TPST1: variants seen among roughly 807,000 people sequenced by gnomAD.
The protein encoded by TPST1 is protein-tyrosine sulfotransferase 1.
TPST1 carries 20 observed loss-of-function variants against 34.8 expected under a neutral mutation model. The ratio of observed to expected loss-of-function variants is 0.57; its 90% CI spans 0.40 to 0.84. The LOEUF (loss-of-function observed/expected upper bound fraction) is 0.84, where lower values mean the gene tolerates loss of function less well. Among genes scored for constraint, TPST1 ranks in the 40% least tolerant of loss-of-function variants. The pLI is 0.00. For missense variants in TPST1, 353 were observed against 455.5 expected (o/e 0.78, Z 2.05); for synonymous variants, 152 against 159.4 (o/e 0.95, Z 0.35).
At chr7:66,214,394 GTATT>G (rs1178741005) in intron 1 of TPST1, among the ~76,000 whole-genome samples, 1 of 150,534 alleles carries the variant, frequency 6.6e-6, no homozygotes, top group African/African-American at 2.4e-5. Flanking sequence ...TAATTTTAAA[GTATT>G]TATAAGTATA....
chr7:66,346,683 GATTTTT>G (rs1792358755), intron 3 of TPST1, among the ~76,000 whole-genome samples: 2 of 151,934 alleles, frequency 1.3e-5, no homozygotes, highest in African/African-American at 4.8e-5. Flanking sequence ...TGTATTATTC[GATTTTT>G]TATTGACTTG....
At chr7:66,297,011 G>GA (rs556054398) in intron 3 of TPST1, among the ~76,000 whole-genome samples, 1 of 152,078 alleles carries the variant, frequency 6.6e-6, no homozygotes, top group South Asian at 2.1e-4. Flanking sequence ...ACAGACACAT[G>GA]AATACACAGA....
At chr7:66,264,432 C>A (rs2115743415) in intron 2 of TPST1, among the ~76,000 whole-genome samples, 1 of 152,306 alleles carries the variant, frequency 6.6e-6, no homozygotes, top group Middle Eastern at 3.4e-3. Flanking sequence ...AAGCCTAAGG[C>A]AGAGTTAGAA....
chr7:66,249,920 G>C (rs1340179605), intron 2 of TPST1, among the ~76,000 whole-genome samples: 1 of 152,192 alleles, frequency 6.6e-6, no homozygotes, highest in Non-Finnish European at 1.5e-5. Context: ...GCCCCCCTCT[G>C]TCTGGGATGT....
intron 3 of TPST1, among the ~76,000 whole-genome samples, chr7:66,338,874 C>A (rs529369056): frequency 6.6e-6 from 1 of 151,946 alleles, no homozygotes; most frequent in Non-Finnish European, 1.5e-5. Flanking sequence ...AATAACCTAA[C>A]GATACACCTC....
At chr7:66,254,002 CAAAAAA>C (rs60795420) in intron 2 of TPST1, among the ~76,000 whole-genome samples, 3 of 113,578 alleles carry the variant, frequency 2.6e-5, no homozygotes, top group Non-Finnish European at 3.6e-5. Flanking sequence ...GACTCTGTTT[CAAAAAA>C]AAAAAAAAAA....
At chr7:66,266,248 G>C (rs1790589776) in intron 2 of TPST1, among the ~76,000 whole-genome samples, 3 of 151,122 alleles carry the variant, frequency 2.0e-5, no homozygotes, top group Admixed American at 2.0e-4. Context: ...AAATTAGCAA[G>C]GTGAGATCTT....
intron 2 of TPST1, among the ~76,000 whole-genome samples, chr7:66,246,725 G>A (rs923451671): frequency 6.6e-6 from 1 of 152,182 alleles, no homozygotes; most frequent in Non-Finnish European, 1.5e-5. Context: ...TGGCATTTAG[G>A]CTGCTTCCAG....
chr7:66,225,062 C>A (rs1173744254), intron 1 of TPST1, among the ~76,000 whole-genome samples: 1 of 151,468 alleles, frequency 6.6e-6, no homozygotes, highest in African/African-American at 2.4e-5. Flanking sequence ...GGATTACAGG[C>A]ACGCGCCACC....
intron 2 of TPST1, among the ~76,000 whole-genome samples, chr7:66,259,486 C>T (rs1790443322): frequency 6.6e-6 from 1 of 151,110 alleles, no homozygotes. Context: ...CTTTTTTTTT[C>T]CAAATTTTTT....
chr7:66,317,525 A>G (rs1274296626), intron 3 of TPST1, among the ~76,000 whole-genome samples: 1 of 151,958 alleles, frequency 6.6e-6, no homozygotes, highest in Admixed American at 6.6e-5. Context: ...TAATATAGCT[A>G]TCCCCAATAT....
At chr7:66,326,801 A>G (rs764509259) in intron 3 of TPST1, among the ~76,000 whole-genome samples, 1 of 152,216 alleles carries the variant, frequency 6.6e-6, no homozygotes, top group Non-Finnish European at 1.5e-5. Flanking sequence ...AATTCTATCT[A>G]CTGTTGGAAT....
intron 1 of TPST1, among the ~76,000 whole-genome samples, chr7:66,222,235 A>G (rs148103034): frequency 1.5e-3 from 233 of 152,186 alleles, no homozygotes; most frequent in African/African-American, 5.4e-3. Context: ...CAAAAAAAGA[A>G]TTAGCTGGGC....
At chr7:66,206,658 T>G (rs958007614) in intron 1 of TPST1, among the ~76,000 whole-genome samples, 2 of 152,192 alleles carry the variant, frequency 1.3e-5, no homozygotes, top group African/African-American at 4.8e-5. Flanking sequence ...CCATCCCCTC[T>G]CCATCCCCAT....
intron 3 of TPST1, among the ~76,000 whole-genome samples, chr7:66,336,110 A>G (rs1182692275): frequency 1.3e-5 from 2 of 152,218 alleles, no homozygotes; most frequent in Non-Finnish European, 2.9e-5. Context: ...GGGGATCGAG[A>G]CCATCCTGGC....
At chr7:66,211,022 G>A (rs529496125) in intron 1 of TPST1, among the ~76,000 whole-genome samples, 12 of 149,872 alleles carry the variant, frequency 8.0e-5, no homozygotes, top group African/African-American at 3.0e-4. Flanking sequence ...GATAAATATT[G>A]CCTTTGTTGA....
rs574605732 is a variant in TPST1, at chr7:66,297,659, C to CA, written c.1044+10951dup. Among the ~76,000 whole-genome samples the CA allele has an allele frequency of 6.6e-5, 10 of 152,274 alleles. No individual in the cohort carries two copies. The East Asian group carries it at 1.7e-3, about 26-fold the overall frequency. ...AGCATGTACCAAGGTGCAGAACCCA[C>CA]AGTAACAGACAAGAAGAAACATGAA... On this transcript the variant is annotated intron_variant, in intron 3 of 5. Coordinates refer to ENST00000304842, the MANE Select transcript of TPST1 (RefSeq NM_003596.4).
chr7:66,351,767 G>A (rs956329213), intron 3 of TPST1, among the ~76,000 whole-genome samples: 9 of 151,566 alleles, frequency 5.9e-5, no homozygotes, highest in Non-Finnish European at 8.8e-5. Context: ...CCTGAAAGTG[G>A]TATGTCTGTT....
At chr7:66,204,639 CTG>C (rs1396910222), upstream of TPST1, among the ~76,000 whole-genome samples, 2 of 152,262 alleles carry the variant, frequency 1.3e-5, no homozygotes, top group Non-Finnish European at 2.9e-5. Flanking sequence ...TAGGAAGAAA[CTG>C]TAAAATGAAT....
Sources: allele counts gnomAD v4.1 joint callset (sites outside exome capture counted in the v4.1 genomes callset), GRCh38; gene constraint gnomAD v4.1.1; transcripts MANE v1.5; gene names NCBI Gene and HGNC (gene_info 2026-07-23, HGNC 2026-07-21).